The following DAB1 variants were observed in gnomAD, a reference collection of about 807,000 sequenced individuals.
The protein encoded by DAB1 is DAB adaptor protein 1.
DAB1 carries 15 observed loss-of-function variants against 64.6 expected under a neutral mutation model. The observed-to-expected ratio is 0.23, with a 90% confidence interval of 0.16 to 0.36. The LOEUF is 0.36. Ranked by LOEUF, DAB1 falls within the 10% of genes least tolerant of loss-of-function variation. DAB1 has a pLI of 1.00. For missense variants in DAB1, 596 were observed against 706.7 expected (o/e 0.84, Z 1.78); for synonymous variants, 235 against 251.9 (o/e 0.93, Z 0.64).
chr1:57,137,199 TTG>T (rs1431972303), intron 3 of DAB1, among the ~76,000 whole-genome samples: 1 of 152,202 alleles, frequency 6.6e-6, no homozygotes, highest in Non-Finnish European at 1.5e-5. Flanking sequence ...CAAAGATATT[TTG>T]TGTTTACCAC....
At chr1:57,115,158 A>G (rs770747143) in intron 4 of DAB1, among the ~76,000 whole-genome samples, 2 of 152,140 alleles carry the variant, frequency 1.3e-5, no homozygotes, top group Admixed American at 1.3e-4. Context: ...CAGGACTTAG[A>G]TATCTCCAGT....
intron 3 of DAB1, among the ~76,000 whole-genome samples, chr1:58,433,114 C>A (rs188577714): frequency 1.3e-5 from 2 of 152,258 alleles, no homozygotes; most frequent in African/African-American, 2.4e-5. Flanking sequence ...CCACACCCCC[C>A]CTATTTCGTT....
intron 5 of DAB1, among the ~76,000 whole-genome samples, chr1:57,945,004 G>C (rs991166783): frequency 2.0e-5 from 3 of 152,168 alleles, no homozygotes; most frequent in African/African-American, 7.2e-5. Context: ...AGGTCTTATA[G>C]GTACTTGCTC....
At chr1:58,395,345 A>T (rs1445006896) in intron 3 of DAB1, among the ~76,000 whole-genome samples, 1 of 152,218 alleles carries the variant, frequency 6.6e-6, no homozygotes, top group African/African-American at 2.4e-5. Flanking sequence ...TGCCACAGAG[A>T]CAAGTTATAG....
intron 5 of DAB1, among the ~76,000 whole-genome samples, chr1:58,059,092 G>A (rs1378868956): frequency 6.6e-6 from 1 of 152,138 alleles, no homozygotes; most frequent in Non-Finnish European, 1.5e-5. Flanking sequence ...TCTGCACATA[G>A]CCCTGTCCCT....
intron 5 of DAB1, among the ~76,000 whole-genome samples, chr1:57,934,549 T>C (rs1335125163): frequency 6.6e-6 from 1 of 152,204 alleles, no homozygotes; most frequent in East Asian, 1.9e-4. Flanking sequence ...ATTTATTCAG[T>C]GATCACTATG....
intron 4 of DAB1, among the ~76,000 whole-genome samples, chr1:58,222,265 G>A (rs1477368262): frequency 6.6e-6 from 1 of 151,762 alleles, no homozygotes; most frequent in African/African-American, 2.4e-5. Flanking sequence ...CTGTGTATAT[G>A]TATATATACA....
chr1:57,938,112 T>C (rs1645053668), intron 5 of DAB1, among the ~76,000 whole-genome samples: 1 of 152,226 alleles, frequency 6.6e-6, no homozygotes, highest in East Asian at 1.9e-4. Context: ...TTTCATGTGA[T>C]GTTCTGAATT....
chr1:57,873,808 C>T (rs1643995542), intron 1 of DAB1, among the ~76,000 whole-genome samples: 1 of 152,046 alleles, frequency 6.6e-6, no homozygotes, highest in African/African-American at 2.4e-5. Flanking sequence ...CACAATAATA[C>T]TATTTATGCA....
intron 5 of DAB1, among the ~76,000 whole-genome samples, chr1:58,062,865 A>C (rs1473574557): frequency 6.6e-6 from 1 of 152,240 alleles, no homozygotes; most frequent in Non-Finnish European, 1.5e-5. Flanking sequence ...TCAAGAAAGC[A>C]CACAATGAGA....
At chr1:57,983,516 T>C (rs1184660493) in intron 5 of DAB1, among the ~76,000 whole-genome samples, 1 of 152,070 alleles carries the variant, frequency 6.6e-6, no homozygotes, top group Admixed American at 6.5e-5. Flanking sequence ...CCCACATGAA[T>C]GCTAAATAGC....
chr1:57,092,986 T>C (rs1653833247), intron 4 of DAB1, among the ~76,000 whole-genome samples: 1 of 152,186 alleles, frequency 6.6e-6, no homozygotes, highest in Non-Finnish European at 1.5e-5. Context: ...AAGAGGGGTC[T>C]TTACTCATGT....
upstream of DAB1, among the ~76,000 whole-genome samples, chr1:57,424,259 G>A (rs1004515575): frequency 6.6e-6 from 1 of 151,174 alleles, no homozygotes; most frequent in Admixed American, 6.6e-5. Context: ...GGCTCCCTCC[G>A]GGGCGCTCTC....
intron 5 of DAB1, among the ~76,000 whole-genome samples, chr1:58,074,025 G>A (rs1485600978): frequency 1.3e-5 from 2 of 152,146 alleles, no homozygotes; most frequent in Non-Finnish European, 2.9e-5. Context: ...TGAGACACAG[G>A]TTCAAACCAA....
intron 4 of DAB1, among the ~76,000 whole-genome samples, chr1:58,252,516 AACAG>A (rs949493683): frequency 1.3e-5 from 2 of 152,174 alleles, no homozygotes; most frequent in African/African-American, 2.4e-5. Context: ...AAGAAAGGGA[AACAG>A]ACAGTCCTTT....
At chr1:57,643,861 C>T (rs1414154290) in intron 7 of DAB1, among the ~76,000 whole-genome samples, 1 of 152,136 alleles carries the variant, frequency 6.6e-6, no homozygotes, top group Non-Finnish European at 1.5e-5. Flanking sequence ...TAGGACTGCT[C>T]AGGTTTCAGT....
intron 4 of DAB1, among the ~76,000 whole-genome samples, chr1:57,122,023 C>T (rs992334116): frequency 6.6e-5 from 10 of 152,142 alleles, no homozygotes; most frequent in Non-Finnish European, 1.5e-4. Context: ...CATAGTGTCT[C>T]TGTATTATAT....
At chr1:57,750,968 T>C (rs988851575) in intron 6 of DAB1, among the ~76,000 whole-genome samples, 7 of 152,320 alleles carry the variant, frequency 4.6e-5, no homozygotes, top group African/African-American at 7.2e-5. Context: ...ATCATATTTC[T>C]ATTCCCACCC....
At chr1:58,483,474 A>C (rs995306460) in intron 3 of DAB1, among the ~76,000 whole-genome samples, 1 of 152,206 alleles carries the variant, frequency 6.6e-6, no homozygotes, top group East Asian at 1.9e-4. Flanking sequence ...CTGAGTTACC[A>C]AGGTAAGCTG....
Sources: gnomAD v4.1 joint callset for allele counts (sites outside exome capture counted in the v4.1 genomes callset) on GRCh38, gnomAD v4.1.1 for gene constraint, MANE v1.5 for transcripts, NCBI Gene and HGNC (gene_info 2026-07-23, HGNC 2026-07-21) for gene names.